Variants in CWC22 observed in about 807,000 individuals in gnomAD.
CWC22 encodes the protein pre-mRNA-splicing factor CWC22 homolog.
CWC22 carries 53 observed loss-of-function variants against 117.2 expected under a neutral mutation model. That is an observed-to-expected ratio of 0.45 (90% confidence interval 0.36 to 0.57). The LOEUF (loss-of-function observed/expected upper bound fraction) is 0.57, where lower values mean the gene tolerates loss of function less well. CWC22 is among the 20% of genes least tolerant of loss of function. The probability of loss-of-function intolerance (pLI) is 0.00; values close to 1 mark genes in which losing one functional copy is unlikely to be tolerated. For missense variants in CWC22, 980 were observed against 1,068.8 expected, an observed-to-expected ratio of 0.92 and a Z score of 1.16; for synonymous variants, 360 against 355.6, an observed-to-expected ratio of 1.01 and a Z score of -0.14.
At chr2:179,996,914 A>C (rs1687718159) in intron 1 of CWC22, among the ~76,000 whole-genome samples, 1 of 152,112 alleles carries the variant, frequency 6.6e-6, no homozygotes. Flanking sequence ...TTAAACAAAA[A>C]ACAACAACTA....
intron 19 of CWC22, among the ~76,000 whole-genome samples, chr2:179,949,481 T>C (rs906656117): frequency 2.0e-5 from 3 of 152,122 alleles, no homozygotes; most frequent in Non-Finnish European, 4.4e-5. Flanking sequence ...TGCAGTACCA[T>C]TACACATCCA....
chr2:179,972,912 G>C (rs748943106), intron 8 of CWC22, among the ~76,000 whole-genome samples: 4 of 152,046 alleles, frequency 2.6e-5, no homozygotes, highest in Non-Finnish European at 5.9e-5. Context: ...GGGAGGCTGA[G>C]GCAGGAGAAT....
In CWC22 at chr2:179,970,773, C is replaced by A. The variant is rs564074411; in HGVS notation, c.1024G>T (p.Val342Leu). The change falls in exon 10 of 20, where the codon GTA becomes TTA. Residue 342 changes from valine to leucine, a missense_variant. Around this residue, in one of 3 missense-constraint regions of CWC22, gnomAD observed 559 missense variants for 602.3 expected, o/e 0.93. Transcript: ENST00000410053. The stretch of plus-strand genomic sequence containing the variant: ...TGGTCCTTGAATCCATCTTTCCGTA[C>A]AGCAAACATCACTTCAATCATATAT... ...VQYMIEVMFAVRKDGFKDHPI... is the reference protein window; with the variant it reads ...VQYMIEVMFALRKDGFKDHPI... 1.9e-6 allele frequency: 3 copies of A among 1,613,706 alleles called. No homozygotes were observed. The South Asian group carries it at 3.3e-5, about 18-fold the overall frequency.
At chr2:179,968,364 A>G (rs534427850) in intron 11 of CWC22, among the ~76,000 whole-genome samples, 3 of 152,152 alleles carry the variant, frequency 2.0e-5, no homozygotes, top group African/African-American at 7.2e-5. Flanking sequence ...TTCTAACTAC[A>G]TATCTATCTG....
intron 14 of CWC22, among the ~76,000 whole-genome samples, chr2:179,958,443 T>C (rs1478367043): frequency 6.6e-5 from 10 of 152,220 alleles, no homozygotes; most frequent in African/African-American, 2.2e-4. Flanking sequence ...AAGAATGCGT[T>C]AGTCACAAGC....
chr2:179,962,565 C>A (rs1299657896), intron 13 of CWC22, among the ~76,000 whole-genome samples: 3 of 152,042 alleles, frequency 2.0e-5, no homozygotes, highest in African/African-American at 7.2e-5. Flanking sequence ...TAAAACAATT[C>A]TCTATTAACC....
rs186617543 is a variant in CWC22, at chr2:179,994,264, T to C, written c.-113-810A>G. Among the ~76,000 whole-genome samples, 594 of 152,186 alleles carry C rather than the reference T, an allele frequency of 3.9e-3. 4 individuals are homozygous for C. Among genetic ancestry groups the C allele is most frequent in the African/African-American group, 0.014 (574 of 41,522 alleles). ...TAAAAGGATTAAAAGATACAGAGAA[T>C]GCAGAGAAAGCAACGTGCTTAGTAG... On this transcript the variant is annotated intron_variant, in intron 1 of 19. Coordinates refer to ENST00000410053, the MANE Select transcript of CWC22 (RefSeq NM_020943.3).
At chr2:179,952,341 T>G in intron 17 of CWC22, 130 bp downstream of exon 17, 1 of 523,934 alleles carries the variant, frequency 1.9e-6, no homozygotes, top group Non-Finnish European at 3.0e-6. Context: ...AAATTCACAG[T>G]GATTAATGGA....
intron 19 of CWC22, among the ~76,000 whole-genome samples, chr2:179,946,333 C>T (rs1345251824): frequency 6.6e-6 from 1 of 151,080 alleles, no homozygotes; most frequent in Admixed American, 6.6e-5. Flanking sequence ...AGCCTGTAGT[C>T]ACAGCTACTC....
intron 3 of CWC22, among the ~76,000 whole-genome samples, chr2:179,987,015 T>C (rs573867060): frequency 6.6e-6 from 1 of 152,248 alleles, no homozygotes; most frequent in East Asian, 1.9e-4. Context: ...ACTCCTAGGA[T>C]TCACTTAACC....
chr2:179,967,460 T>G (rs1227350649), intron 11 of CWC22, among the ~76,000 whole-genome samples: 2 of 152,162 alleles, frequency 1.3e-5, no homozygotes, highest in Non-Finnish European at 2.9e-5. Context: ...AAAACTATTT[T>G]CATAATAATA....
At chr2:179,989,648 A>G (rs1687509954) in intron 2 of CWC22, among the ~76,000 whole-genome samples, 1 of 152,210 alleles carries the variant, frequency 6.6e-6, no homozygotes, top group Non-Finnish European at 1.5e-5. Context: ...TGAGACTGAC[A>G]TGAGACAGAG....
chr2:180,003,731 A>G lies in CWC22; in HGVS notation c.-114+3136T>C, dbSNP rs16867137. On this transcript the variant is annotated intron_variant, in intron 1 of 19. Coordinates refer to ENST00000410053, the MANE Select transcript of CWC22 (RefSeq NM_020943.3). ...GAACTCTGTCTAGCTCCACCCATTT[A>G]TAAGTTAGGCTGAAAGACAGGTTAA... Among the ~76,000 whole-genome samples the G allele has an allele frequency of 8.3e-3, 1,269 of 152,244 alleles. 20 individuals carry two copies. The East Asian group carries it at 0.09, about 11-fold the overall frequency.
intron 1 of CWC22, among the ~76,000 whole-genome samples, chr2:180,001,741 C>T (rs1415253471): frequency 2.6e-5 from 4 of 152,208 alleles, no homozygotes; most frequent in Non-Finnish European, 2.9e-5. Context: ...GTTGCTAAAT[C>T]CAGGGGCAGC....
intron 13 of CWC22, among the ~76,000 whole-genome samples, chr2:179,962,623 G>C (rs1176448034): frequency 6.6e-6 from 1 of 151,610 alleles, no homozygotes; most frequent in African/African-American, 2.4e-5. Flanking sequence ...ATTTGTGGTA[G>C]AAAATAAGAT....
chr2:179,986,571 G>C, intron 4 of CWC22, 124 bp downstream of exon 4: 1 of 562,846 alleles, frequency 1.8e-6, no homozygotes, highest in South Asian at 2.6e-5. Flanking sequence ...TTATTAGAAA[G>C]CCTAGCACCT....
At chr2:179,984,461 T>G (rs1389123123) in intron 4 of CWC22, among the ~76,000 whole-genome samples, 3 of 152,010 alleles carry the variant, frequency 2.0e-5, no homozygotes, top group Non-Finnish European at 4.4e-5. Context: ...TAGAAAGTGA[T>G]GAGAAGGAAA....
Position 179,952,411 on chromosome 2 carries a change from G to A in CWC22, c.1817+60C>T, listed in dbSNP as rs539898785. ...TACAGTCTCGGATGGGCTTATGTCT[G>A]CTACAATGGGAGAAAACCAGAGGTC... On this transcript the variant is annotated intron_variant, in intron 17 of 19. Transcript: ENST00000410053. 9 of 1,331,206 alleles carry A rather than the reference G, an allele frequency of 6.8e-6. No individual in the cohort carries two copies. The Middle Eastern group carries it at 5.7e-4, about 85-fold the overall frequency. The allele number at this position is 1,331,206 out of a possible 1,614,324, so 82.5% of individuals were successfully genotyped here.
rs923971737 is a variant in CWC22 at position 179,978,203 on chromosome 2, T to C, written c.568A>G (p.Ile190Val). The C allele has an allele frequency of 1.3e-6, 2 of 1,540,728 alleles. No homozygotes were observed. The highest frequency in any genetic ancestry group is 1.7e-6 in the Non-Finnish European group (2 of 1,150,314). Residue 190 changes from isoleucine to valine, a missense_variant, in exon 6 of 20, where the codon ATA becomes GTA. This residue lies in a region of CWC22 where 559 missense variants were observed against 602.3 expected (regional missense o/e 0.93). Coordinates refer to ENST00000410053, the MANE Select transcript of CWC22 (RefSeq NM_020943.3). ...IIIQELLQEN[I>V]VRGRGLLSRS... ...GCCAATACTTACCTTCCTCTAACTATATTTTCTTGAAGAAGCTCTTGAATA... is the reference window on the plus strand; with the variant it reads ...GCCAATACTTACCTTCCTCTAACTACATTTTCTTGAAGAAGCTCTTGAATA...
Sources: allele counts gnomAD v4.1 joint callset (sites outside exome capture counted in the v4.1 genomes callset), GRCh38; gene constraint gnomAD v4.1.1; regional missense constraint gnomAD v4.1.1; transcripts MANE v1.5; gene names NCBI Gene and HGNC (gene_info 2026-07-23, HGNC 2026-07-21).